The following MITD1 variants were observed in gnomAD, a reference collection of about 807,000 sequenced individuals.
MITD1 encodes the protein microtubule interacting and trafficking domain containing 1, also known as MIT domain-containing protein 1.
MITD1 carries 24 observed loss-of-function variants against 34.9 expected under a neutral mutation model. The ratio of observed to expected loss-of-function variants is 0.69; its 90% CI spans 0.50 to 0.97. MITD1 has a LOEUF of 0.97. MITD1 is among the 50% of genes least tolerant of loss of function. The pLI is 0.00. For missense variants in MITD1, 266 were observed against 294.6 expected (o/e 0.90, Z 0.71); for synonymous variants, 102 against 101.4 (o/e 1.01, Z -0.04).
chr2:99,176,221 G>C (rs989721715), intron 1 of MITD1, among the ~76,000 whole-genome samples: 1 of 152,152 alleles, frequency 6.6e-6, no homozygotes, highest in African/African-American at 2.4e-5. Flanking sequence ...CGAAGTGCTG[G>C]GATTACAGGC....
downstream of MITD1, among the ~76,000 whole-genome samples, chr2:99,168,946 ATTTT>A (rs1175310553): frequency 4.1e-5 from 2 of 49,310 alleles, no homozygotes; most frequent in East Asian, 5.4e-4. Context: ...TGCCCGGCTA[ATTTT>A]TTTTTTTTTT....
downstream of MITD1, among the ~76,000 whole-genome samples, chr2:99,167,281 T>C (rs924943443): frequency 7.2e-5 from 11 of 152,224 alleles, no homozygotes; most frequent in African/African-American, 2.7e-4. Flanking sequence ...ACATTAAGTC[T>C]TCCCATTCAG....
downstream of MITD1, among the ~76,000 whole-genome samples, chr2:99,166,858 A>AAAATATATATATATAT (rs2093829293): frequency 8.7e-6 from 1 of 115,422 alleles, no homozygotes; most frequent in Non-Finnish European, 1.8e-5. Flanking sequence ...TGGGGTTTTA[A>AAAATATATATATATAT]ATATATATAT....
At chr2:99,162,175 T>C in exon 8 of MITD1, 2 of 1,614,056 alleles carry the variant, frequency 1.2e-6, no homozygotes, top group Non-Finnish European at 1.7e-6. Flanking sequence ...CCCTCTGTTG[T>C]AATTGGTAGG....
intron 1 of MITD1, chr2:99,180,609 TA>T: frequency 2.1e-6 from 1 of 476,894 alleles, no homozygotes; most frequent in South Asian, 3.0e-5. Context: ...TTAAGTCTTT[TA>T]AAATCTAGAC....
downstream of MITD1, among the ~76,000 whole-genome samples, chr2:99,164,794 G>T (rs1368063639): frequency 6.6e-6 from 1 of 151,960 alleles, no homozygotes; most frequent in Non-Finnish European, 1.5e-5. Flanking sequence ...ATTATTTTTT[G>T]AGAAAGGTTA....
chr2:99,173,745 AAATT>A (rs1323344932), intron 2 of MITD1, 166 bp downstream of exon 2: 1 of 637,354 alleles, frequency 1.6e-6, no homozygotes, highest in East Asian at 2.8e-5. Context: ...AACAAACAAA[AAATT>A]AAGAACAACT....
chr2:99,164,040 A>C (rs572289605), intron 7 of MITD1, among the ~76,000 whole-genome samples: 1 of 151,872 alleles, frequency 6.6e-6, no homozygotes, highest in African/African-American at 2.4e-5. Flanking sequence ...TTGATTTTCT[A>C]CTCTTTTTGG....
intron 1 of MITD1, among the ~76,000 whole-genome samples, chr2:99,178,718 T>G (rs2093900016): frequency 6.6e-6 from 1 of 152,084 alleles, no homozygotes; most frequent in African/African-American, 2.4e-5. Context: ...AAGAGCACAT[T>G]CCTGAAAGAG....
downstream of MITD1, chr2:99,161,737 A>T (rs758791299): frequency 1.5e-4 from 70 of 461,684 alleles, 2 homozygotes; most frequent in Admixed American, 1.3e-3. Context: ...GAAAACTGTG[A>T]AATTATTTCA....
intron 7 of MITD1, among the ~76,000 whole-genome samples, chr2:99,163,732 TTC>T (rs199958500): frequency 0.013 from 1,918 of 152,302 alleles, 53 homozygotes; most frequent in African/African-American, 0.044. Flanking sequence ...TCAGACTTAG[TTC>T]TCTGTTTTTC....
In MITD1 at chr2:99,175,109, G is replaced by C. The variant is rs141812734; in HGVS notation, c.152-1093C>G. ...ACAGAAAAGTTGCAAAAATGGTACA[G>C]ATAACCTCCTTCACCTAGATTCTCT... On this transcript the variant is annotated intron_variant, in intron 1 of 6. Transcript: ENST00000289359. Among the ~76,000 whole-genome samples the C allele has an allele frequency of 5.3e-3, 804 of 152,260 alleles. 11 individuals carry two copies. Among genetic ancestry groups the C allele is most frequent in the African/African-American group, 0.018 (768 of 41,566 alleles).
At chr2:99,162,672 C>G (rs2105201604) in intron 7 of MITD1, 1 of 1,614,098 alleles carries the variant, frequency 6.2e-7, no homozygotes, top group Non-Finnish European at 8.5e-7. Context: ...TGCTGCTTAT[C>G]ATCAAATTGA....
downstream of MITD1, among the ~76,000 whole-genome samples, chr2:99,168,876 C>G (rs2093839402): frequency 6.6e-6 from 1 of 150,938 alleles, no homozygotes; most frequent in African/African-American, 2.4e-5. Flanking sequence ...ACCTCCTAGG[C>G]TCAAGTGATC....
chr2:99,169,661 T>C (rs1353370738), intron 5 of MITD1, 51 bp from the exon 6 acceptor site: 1 of 1,447,694 alleles, frequency 6.9e-7, no homozygotes, highest in East Asian at 2.3e-5. Flanking sequence ...AGTCAGACTA[T>C]TAATAAAGCT....
chr2:99,171,700 T>C, intron 2 of MITD1, 54 bp from the exon 3 acceptor site: 1 of 1,490,158 alleles, frequency 6.7e-7, no homozygotes, highest in South Asian at 1.2e-5. Flanking sequence ...TTTTTACACA[T>C]TTTATATTTT....
rs1263880080 is a variant in MITD1 at position 99,174,974 on chromosome 2, C to T, written c.152-958G>A. 9.9e-5 allele frequency among the ~76,000 whole-genome samples: 15 copies of T among 152,234 alleles called. 1 individual carries two copies. Among genetic ancestry groups the T allele is most frequent in the Non-Finnish European group, 2.9e-5 (2 of 68,044 alleles). ...CTCCTGATCTCAGGTGATCCGCCCA[C>T]CTCGGCCTCCCAAAGTGCTGGGATT... On this transcript the variant is annotated intron_variant, in intron 1 of 6. Coordinates refer to ENST00000289359, the MANE Select transcript of MITD1 (RefSeq NM_138798.3).
rs80252336 is a variant in MITD1, at chr2:99,170,046, A to T, written c.594-436T>A. Among the ~76,000 whole-genome samples the T allele has an allele frequency of 4.8e-3, 724 of 152,316 alleles. 9 individuals carry two copies. The highest frequency in any genetic ancestry group is 0.017 in the African/African-American group (689 of 41,568). ...TGTGATTAAGTTTTTATTAAAACTG[A>T]GTGCCCTTGCTATAAACATAACCAC... On this transcript the variant is annotated intron_variant, in intron 5 of 6. Coordinates refer to ENST00000289359, the MANE Select transcript of MITD1 (RefSeq NM_138798.3).
intron 1 of MITD1, among the ~76,000 whole-genome samples, chr2:99,178,622 G>A (rs2093899599): frequency 6.6e-6 from 1 of 152,138 alleles, no homozygotes; most frequent in Non-Finnish European, 1.5e-5. Flanking sequence ...CTGGAGGTCT[G>A]GGAAAGCCTC....
Sources: allele counts gnomAD v4.1 joint callset (sites outside exome capture counted in the v4.1 genomes callset), GRCh38; gene constraint gnomAD v4.1.1; transcripts MANE v1.5; gene names NCBI Gene and HGNC (gene_info 2026-07-23, HGNC 2026-07-21).